Variants in PTPRB observed in about 807,000 individuals in gnomAD.
The protein encoded by PTPRB is receptor-type tyrosine-protein phosphatase beta.
In PTPRB, 97 loss-of-function variants were observed where a neutral mutation model predicts 238.1. The observed-to-expected ratio is 0.41, with a 90% CI of 0.35 to 0.48. The LOEUF (loss-of-function observed/expected upper bound fraction) is 0.48, where lower values mean the gene tolerates loss of function less well. PTPRB is among the 20% of genes least tolerant of loss of function. The pLI, the probability that PTPRB is intolerant of heterozygous loss-of-function variation, is 0.30. For missense variants in PTPRB, 2,292 were observed against 2,681.9 expected, an observed-to-expected ratio of 0.85 and a Z score of 3.21; for synonymous variants, 970 against 995.4, an observed-to-expected ratio of 0.97 and a Z score of 0.48.
At chr12:70,564,208 ACTAT>A (rs1878910547) in intron 15 of PTPRB, among the ~76,000 whole-genome samples, 1 of 152,252 alleles carries the variant, frequency 6.6e-6, no homozygotes, top group African/African-American at 2.4e-5. Flanking sequence ...TGGGGACTGT[ACTAT>A]CTAAAATTGT....
chr12:70,577,880 C>G (rs368001309), intron 10 of PTPRB, among the ~76,000 whole-genome samples: 12 of 152,238 alleles, frequency 7.9e-5, no homozygotes, highest in African/African-American at 2.4e-4. Flanking sequence ...TGGTACATCT[C>G]TTCCTTCCTT....
At chr12:70,579,330 A>G (rs1210319784) in intron 10 of PTPRB, among the ~76,000 whole-genome samples, 1 of 152,004 alleles carries the variant, frequency 6.6e-6, no homozygotes, top group Non-Finnish European at 1.5e-5. Context: ...TCAGCTACCT[A>G]CCCCCAAGTA....
intron 14 of PTPRB, 105 bp downstream of exon 14, chr12:70,569,570 G>C: frequency 1.5e-6 from 2 of 1,362,130 alleles, no homozygotes; most frequent in Non-Finnish European, 2.1e-6. Flanking sequence ...ACAAACTTTG[G>C]TGGTTTTAAA....
intron 2 of PTPRB, among the ~76,000 whole-genome samples, chr12:70,623,182 C>T (rs1272561863): frequency 6.6e-6 from 1 of 152,142 alleles, no homozygotes; most frequent in Non-Finnish European, 1.5e-5. Context: ...ACTTCGTTAG[C>T]CACAGTGCAA....
rs1874689857 is a variant in PTPRB, at chr12:70,539,397, C to T, written c.5778+228G>A. On this transcript the variant is annotated intron_variant, in intron 26 of 33. Coordinates refer to ENST00000334414, the MANE Select transcript of PTPRB (RefSeq NM_001109754.4). ...GTTAATTCTTCCTTACTATCTGATC[C>T]AGGTAGCCCTTGGTTTGCTGTGTTA... 8 of 564,030 alleles carry T rather than the reference C, an allele frequency of 1.4e-5. No individual in the cohort carries two copies. The South Asian group carries it at 1.7e-4, about 12-fold the overall frequency. 34.9% of individuals were successfully genotyped at this position (564,030 alleles called of 1,614,324 possible).
chr12:70,580,099 T>C (rs1333465852), intron 10 of PTPRB, among the ~76,000 whole-genome samples: 2 of 152,134 alleles, frequency 1.3e-5, no homozygotes, highest in East Asian at 1.9e-4. Context: ...TAATTTTTTA[T>C]GTTCTTTCAT....
At position 70,534,853 on chromosome 12, in the gene PTPRB, G is replaced by A. The variant is rs1416608658; in HGVS notation, c.6184C>T (p.Arg2062Trp). 7 of 1,613,786 alleles carry A rather than the reference G, an allele frequency of 4.3e-6. No homozygotes were observed. Among genetic ancestry groups the A allele is most frequent in the African/African-American group, 4.0e-5 (3 of 74,908 alleles). Residue 2062 changes from arginine (R) to tryptophan (W), a missense_variant, in exon 30 of 34, where the codon CGG (arginine) becomes TGG (tryptophan). By Grantham distance (101) the Arg-to-Trp change is moderately radical (BLOSUM62 -3). This residue lies in a region of PTPRB where 397 missense variants were observed against 502.0 expected (regional missense o/e 0.79). Transcript: ENST00000334414. The stretch of plus-strand genomic sequence containing the variant: ...CATACACCGCATATCTTAAACTCCC[G>A]GATGGTCCACTCAGGCAGGACGGAC... Reference protein sequence around the residue: ...SESVLPEWTIREFKICGEEQL... With the variant: ...SESVLPEWTIWEFKICGEEQL...
rs1871224917 is a variant in PTPRB at position 70,516,740 on chromosome 12, G to A, written c.*4749C>T. On this transcript the variant is annotated 3_prime_UTR_variant, in exon 34 of 34. Coordinates refer to ENST00000334414, the MANE Select transcript of PTPRB (RefSeq NM_001109754.4). ...TTTGTCTGACATTATTCACAGTTTT[G>A]AATAACTTATTTTGGTGTCTTATAT... The A allele has an allele frequency of 6.6e-6, 1 of 152,124 alleles. No homozygotes were observed. Among genetic ancestry groups the A allele is most frequent in the Non-Finnish European group, 1.5e-5 (1 of 68,030 alleles). 9.4% of individuals were successfully genotyped at this position (152,124 alleles called of 1,614,324 possible).
chr12:70,568,651 A>G (rs1036455150), intron 14 of PTPRB, among the ~76,000 whole-genome samples: 5 of 152,214 alleles, frequency 3.3e-5, no homozygotes. Flanking sequence ...ATGCAGATAT[A>G]GATATAAATA....
At chr12:70,592,217 C>G in intron 7 of PTPRB, 65 bp downstream of exon 7, 1 of 1,602,454 alleles carries the variant, frequency 6.2e-7, no homozygotes, top group Non-Finnish European at 8.5e-7. Flanking sequence ...TTATTTTGTC[C>G]TATTTTAAGG....
chr12:70,520,070 A>G lies in PTPRB; in HGVS notation c.*1419T>C, dbSNP rs538757185. On this transcript the variant is annotated 3_prime_UTR_variant, in exon 34 of 34. Transcript: ENST00000334414. ...TTATGCAAAGGAAGCTATGCCATCAACAAACTTGACCTCTAATTCCCAAGT... is the reference window on the plus strand; with the variant it reads ...TTATGCAAAGGAAGCTATGCCATCAGCAAACTTGACCTCTAATTCCCAAGT... The G allele has an allele frequency of 4.4e-4, 155 of 354,460 alleles. No homozygotes were observed. Among genetic ancestry groups the G allele is most frequent in the African/African-American group, 3.2e-3 (148 of 46,236 alleles). The allele number at this position is 354,460 out of a possible 1,614,324, so 22.0% of individuals were successfully genotyped here. A position where few individuals can be genotyped will look rare whatever the true frequency, so the allele number is the denominator to read the frequency against.
At chr12:70,562,138 G>T (rs1257558019) in intron 16 of PTPRB, among the ~76,000 whole-genome samples, 1 of 152,108 alleles carries the variant, frequency 6.6e-6, no homozygotes, top group African/African-American at 2.4e-5. Flanking sequence ...TTAAAAGTTT[G>T]CCATGCATGG....
At chr12:70,594,333 T>G in intron 6 of PTPRB, 134 bp downstream of exon 6, 1 of 1,193,512 alleles carries the variant, frequency 8.4e-7, no homozygotes. Flanking sequence ...AGTAGAAAAG[T>G]GGATATGGGT....
intron 4 of PTPRB, among the ~76,000 whole-genome samples, chr12:70,603,402 A>T (rs202227340): frequency 6.6e-6 from 1 of 152,234 alleles, no homozygotes; most frequent in African/African-American, 2.4e-5. Flanking sequence ...AAAAGATTTT[A>T]TAAGATATTT....
At chr12:70,527,930 C>G (rs929084674) in intron 32 of PTPRB, among the ~76,000 whole-genome samples, 1 of 152,200 alleles carries the variant, frequency 6.6e-6, no homozygotes, top group African/African-American at 2.4e-5. Context: ...TCAACTTCAG[C>G]AGAGGCTTAA....
chr12:70,531,631 T>TAAC (rs1329131607), intron 32 of PTPRB, among the ~76,000 whole-genome samples: 1 of 152,110 alleles, frequency 6.6e-6, no homozygotes, highest in East Asian at 1.9e-4. Flanking sequence ...TTTAATGAGA[T>TAAC]AACATGTTCA....
chr12:70,581,353 A>G, intron 9 of PTPRB, 51 bp from the exon 10 acceptor site: 1 of 1,519,682 alleles, frequency 6.6e-7, no homozygotes, highest in East Asian at 2.3e-5. Context: ...CACCTTAAGA[A>G]AGTGTAAGAA....
chr12:70,559,820 C>CT (rs373129340), intron 17 of PTPRB, among the ~76,000 whole-genome samples, 196 bp from the exon 18 acceptor site: 1,276 of 123,256 alleles, frequency 0.01, 9 homozygotes, highest in South Asian at 0.017. Context: ...ATTTTATGTA[C>CT]TTTTTTTTTT....
intron 26 of PTPRB, 35 bp from the exon 27 acceptor site, chr12:70,539,049 T>C (rs1292588565): frequency 6.7e-7 from 1 of 1,503,560 alleles, no homozygotes; most frequent in Non-Finnish European, 9.2e-7. Context: ...AAGTGGAGAA[T>C]ATGAAATAGA....
Sources: allele counts gnomAD v4.1 joint callset (sites outside exome capture counted in the v4.1 genomes callset), GRCh38; gene constraint gnomAD v4.1.1; regional missense constraint gnomAD v4.1.1; transcripts MANE v1.5; gene names NCBI Gene and HGNC (gene_info 2026-07-23, HGNC 2026-07-21).